MACF1: variants seen among roughly 807,000 people sequenced by gnomAD.
MACF1 encodes microtubule-actin cross-linking factor 1.
A neutral mutation model predicts 854.8 loss-of-function variants in MACF1; 193 were observed. That is an observed-to-expected ratio of 0.23 (90% CI 0.20 to 0.25). The LOEUF (loss-of-function observed/expected upper bound fraction) is 0.25, where lower values mean the gene tolerates loss of function less well. Among genes scored for constraint, MACF1 ranks in the 10% least tolerant of loss-of-function variants. The probability of loss-of-function intolerance (pLI) is 1.00; values close to 1 mark genes in which losing one functional copy is unlikely to be tolerated. For missense variants in MACF1, 7,722 were observed against 8,929.1 expected, an observed-to-expected ratio of 0.86 and a Z score of 5.45; for synonymous variants, 3,185 against 3,226.7, an observed-to-expected ratio of 0.99 and a Z score of 0.44.
At chr1:39,483,611 G>A (rs941355721) in intron 99 of MACF1, among the ~76,000 whole-genome samples, 1 of 152,152 alleles carries the variant, frequency 6.6e-6, no homozygotes, top group Non-Finnish European at 1.5e-5. Context: ...CAAAGAGGCA[G>A]GATTTAATCC....
chr1:39,242,070 C>T (rs932056206), intron 2 of MACF1, among the ~76,000 whole-genome samples: 9 of 152,020 alleles, frequency 5.9e-5, no homozygotes, highest in East Asian at 1.9e-4. Flanking sequence ...AAATGGAGGC[C>T]GGGTGCAGTG....
At chr1:39,097,096 T>G (rs1641957260) in intron 2 of MACF1, among the ~76,000 whole-genome samples, 1 of 151,932 alleles carries the variant, frequency 6.6e-6, no homozygotes, top group Non-Finnish European at 1.5e-5. Context: ...AGGCTGGTCT[T>G]GAACTCCTGA....
intron 64 of MACF1, 126 bp downstream of exon 64, chr1:39,429,452 G>A: frequency 1.6e-6 from 1 of 634,456 alleles, no homozygotes; most frequent in South Asian, 2.1e-5. Context: ...TTCACTGATT[G>A]TATTCCCTAC....
chr1:39,254,642 G>A (rs146106881), intron 5 of MACF1: 3 of 391,866 alleles, frequency 7.7e-6, no homozygotes, highest in Non-Finnish European at 1.4e-5. Context: ...ATGCACCTTA[G>A]GTGGGGGTCA....
chr1:39,149,294 G>C (rs1643526014), intron 2 of MACF1, among the ~76,000 whole-genome samples: 1 of 152,178 alleles, frequency 6.6e-6, no homozygotes, highest in Non-Finnish European at 1.5e-5. Context: ...CACTTTGAGA[G>C]GCCGAGGTTG....
At chr1:39,223,422 A>G (rs1226352178) in intron 1 of MACF1, among the ~76,000 whole-genome samples, 1 of 151,888 alleles carries the variant, frequency 6.6e-6, no homozygotes, top group Non-Finnish European at 1.5e-5. Flanking sequence ...TCTGGACTTT[A>G]TTTTTCTGGC....
chr1:39,360,044 TATATATATACACAC>T (rs1648017349), intron 47 of MACF1, among the ~76,000 whole-genome samples: 1 of 59,888 alleles, frequency 1.7e-5, no homozygotes, highest in Admixed American at 2.0e-4. Context: ...TATATATATA[TATATATATACACAC>T]ACACACACAC....
chr1:39,248,839 C>T (rs1360545530), intron 2 of MACF1, among the ~76,000 whole-genome samples: 7 of 152,194 alleles, frequency 4.6e-5, no homozygotes, highest in Middle Eastern at 3.4e-3. Flanking sequence ...AGTGATCCTC[C>T]CACCTCAGCC....
intron 2 of MACF1, among the ~76,000 whole-genome samples, chr1:39,102,047 G>C (rs965688070): frequency 2.0e-5 from 3 of 151,520 alleles, no homozygotes; most frequent in African/African-American, 4.9e-5. Flanking sequence ...GAGGTGGCGG[G>C]CGCCTGTAGT....
chr1:39,293,335 G>T, intron 17 of MACF1, 123 bp from the exon 18 acceptor site: 1 of 930,152 alleles, frequency 1.1e-6, no homozygotes, highest in South Asian at 1.9e-5. Flanking sequence ...AATCCATGGG[G>T]AAAAATCCAG....
At chr1:39,391,122 AAC>A (rs1362560194) in intron 58 of MACF1, among the ~76,000 whole-genome samples, 1 of 151,930 alleles carries the variant, frequency 6.6e-6, no homozygotes, top group Non-Finnish European at 1.5e-5. Context: ...AAAAAAAAAA[AAC>A]ACACAAAATA....
chr1:39,091,367 CT>C (rs1641798024), intron 2 of MACF1, among the ~76,000 whole-genome samples: 1 of 152,300 alleles, frequency 6.6e-6, no homozygotes, highest in East Asian at 1.9e-4. Flanking sequence ...ACGTTAGTCA[CT>C]TCATTGAGCC....
Position 39,358,817 on chromosome 1 carries a change from T to C in MACF1, c.12064T>C (p.Ser4022Pro). 6.2e-7 allele frequency: 1 copy of C among 1,613,632 alleles called. No homozygotes were observed. Among genetic ancestry groups the C allele is most frequent in the Non-Finnish European group, 8.5e-7 (1 of 1,179,924 alleles). The change falls in exon 46 of 101, where the codon TCA becomes CCA. Residue 4022 changes from serine to proline, a missense_variant. Coordinates refer to ENST00000564288, the MANE Select transcript of MACF1 (RefSeq NM_001394062.1). Reference protein sequence around the residue: ...ACEANVEKLLSDTVASDPGVL... With the variant: ...ACEANVEKLLPDTVASDPGVL... ...TGAGGCCAACGTGGAGAAGCTCCTC[T>C]CAGATACTGTTGCCTCTGACCCTGG...
chr1:39,358,882 G>A lies in MACF1; in HGVS notation c.12120+9G>A. 1 of 1,601,358 alleles carries A rather than the reference G, an allele frequency of 6.2e-7. No homozygotes were observed. Among genetic ancestry groups the A allele is most frequent in the Non-Finnish European group, 8.5e-7 (1 of 1,175,842 alleles). On this transcript the variant is annotated intron_variant, in intron 46 of 100. Coordinates refer to ENST00000564288, the MANE Select transcript of MACF1 (RefSeq NM_001394062.1). ...AGCTTGCAACAACAAAGGTAAGTCAGGACACAGGCTGTGTTGTGGTGTCAA... is the reference window on the plus strand; with the variant it reads ...AGCTTGCAACAACAAAGGTAAGTCAAGACACAGGCTGTGTTGTGGTGTCAA...
intron 6 of MACF1, among the ~76,000 whole-genome samples, chr1:39,271,476 A>G (rs1021560643): frequency 6.6e-6 from 1 of 152,216 alleles, no homozygotes; most frequent in Non-Finnish European, 1.5e-5. Context: ...GTCGTCTCCC[A>G]CCAGGTCCCA....
intron 6 of MACF1, among the ~76,000 whole-genome samples, chr1:39,271,246 C>T (rs1645313982): frequency 6.6e-6 from 1 of 152,152 alleles, no homozygotes; most frequent in South Asian, 2.1e-4. Context: ...ATCTGCTCAG[C>T]TTCTGAAGAG....
Position 39,331,172 on chromosome 1 carries a change from CTTTTTTTTTTTTTTTTTTTTTTT to C in MACF1, c.4615-25_4615-3del, listed in dbSNP as rs71060310. On this transcript the variant is annotated splice_polypyrimidine_tract_variant and splice_region_variant and intron_variant, in intron 36 of 100. Transcript: ENST00000564288. ...TCAGTTTTCTTTTTCTTCTCTTTTC[CTTTTTTTTTTTTTTTTTTTTTTT>C]TTTTTAGGAATGCAGAGCAGTTGCT... 4.1e-5 allele frequency: 54 copies of C among 1,302,972 alleles called. No homozygotes were observed. Among genetic ancestry groups the C allele is most frequent in the Middle Eastern group, 2.8e-4 (1 of 3,606 alleles). The allele number at this position is 1,302,972 out of a possible 1,614,324, so 80.7% of individuals were successfully genotyped here.
chr1:39,254,202 T>C (rs1256185923), intron 4 of MACF1, 96 bp from the exon 5 acceptor site: 36 of 1,017,528 alleles, frequency 3.5e-5, no homozygotes, highest in Non-Finnish European at 1.5e-6. Flanking sequence ...TAAGGAATTC[T>C]TGTGTGGTCC....
intron 58 of MACF1, among the ~76,000 whole-genome samples, chr1:39,399,675 C>A (rs1642404532): frequency 1.3e-5 from 2 of 152,170 alleles, no homozygotes; most frequent in South Asian, 4.1e-4. Flanking sequence ...CCATGCCCGG[C>A]CTTATAAAGG....
Sources: gnomAD v4.1 joint callset for allele counts (sites outside exome capture counted in the v4.1 genomes callset) on GRCh38, gnomAD v4.1.1 for gene constraint, MANE v1.5 for transcripts, NCBI Gene and HGNC (gene_info 2026-07-23, HGNC 2026-07-21) for gene names.